Variants in PTPRR observed in about 807,000 individuals in gnomAD.
PTPRR encodes the protein protein tyrosine phosphatase receptor type R, also known as receptor-type tyrosine-protein phosphatase R.
Under a neutral mutation model 77.2 loss-of-function variants are expected in PTPRR, and 38 were observed. That is an observed-to-expected ratio of 0.49 (90% CI 0.38 to 0.65). The LOEUF (loss-of-function observed/expected upper bound fraction) is 0.65. Among genes scored for constraint, PTPRR ranks in the 30% least tolerant of loss-of-function variants. The probability of loss-of-function intolerance (pLI) is 0.00; values close to 1 mark genes in which losing one functional copy is unlikely to be tolerated. For missense variants in PTPRR, 744 were observed against 799.2 expected (o/e 0.93, Z 0.83); for synonymous variants, 299 against 283.1 (o/e 1.06, Z -0.57).
At chr12:70,732,643 C>A (rs1274904158) in intron 6 of PTPRR, among the ~76,000 whole-genome samples, 2 of 152,172 alleles carry the variant, frequency 1.3e-5, no homozygotes, top group African/African-American at 4.8e-5. Context: ...TCATTGCGAC[C>A]TCCGCATCCT....
At chr12:70,684,288 A>C in intron 9 of PTPRR, 24 bp from the exon 10 acceptor site, 1 of 1,596,306 alleles carries the variant, frequency 6.3e-7, no homozygotes, top group Non-Finnish European at 8.5e-7. Flanking sequence ...AGAAACAAAA[A>C]TATTGGTTTT....
intron 6 of PTPRR, among the ~76,000 whole-genome samples, chr12:70,707,778 G>GT (rs1243736117): frequency 6.6e-6 from 1 of 152,020 alleles, no homozygotes; most frequent in Non-Finnish European, 1.5e-5. Context: ...TTCCTCTTTG[G>GT]TTCAGACCTT....
At chr12:70,807,085 A>G (rs752049007) in intron 2 of PTPRR, among the ~76,000 whole-genome samples, 2 of 152,074 alleles carry the variant, frequency 1.3e-5, no homozygotes, top group African/African-American at 4.8e-5. Context: ...GTAGAAGGGA[A>G]CTCTTTGTCT....
At chr12:70,647,563 T>C (rs1315204421) in intron 13 of PTPRR, among the ~76,000 whole-genome samples, 12 of 152,264 alleles carry the variant, frequency 7.9e-5, no homozygotes. Flanking sequence ...AATGAATCTT[T>C]TTTAGCAAGA....
intron 10 of PTPRR, among the ~76,000 whole-genome samples, chr12:70,669,668 G>A (rs1021428128): frequency 6.6e-6 from 1 of 151,734 alleles, no homozygotes; most frequent in Non-Finnish European, 1.5e-5. Flanking sequence ...GGGCTCAAGC[G>A]ATCCTCTGGT....
chr12:70,764,675 T>C lies in PTPRR; in HGVS notation c.461A>G (p.Asn154Ser), dbSNP rs906472439. The C allele has an allele frequency of 6.2e-6, 10 of 1,611,946 alleles. No individual in the cohort carries two copies. Among genetic ancestry groups the C allele is most frequent in the Non-Finnish European group, 7.6e-6 (9 of 1,178,102 alleles). ...ATGTGGGTATCTTACAATGAGGCGA[T>C]TGATGTGCACTTGCTGGGGTAAGAG... ...LGLLPQQVHI[N>S]RLIGKKNSIE... The change falls in exon 3 of 14, where the codon AAT becomes AGT. Residue 154 changes from asparagine to serine, a missense_variant. By Grantham distance (46) the Asn-to-Ser change is conservative. Around this residue, in one of 3 missense-constraint regions of PTPRR, gnomAD observed 570 missense variants for 573.2 expected, o/e 0.99. Coordinates refer to ENST00000283228, the MANE Select transcript of PTPRR (RefSeq NM_002849.4).
At chr12:70,754,464 A>G (rs1890506606) in intron 4 of PTPRR, 163 bp from the exon 5 acceptor site, 2 of 1,563,032 alleles carry the variant, frequency 1.3e-6, no homozygotes, top group East Asian at 4.5e-5. Flanking sequence ...CTAAGACAAC[A>G]GACTGCCATC....
At chr12:70,704,226 G>C (rs1223007448) in intron 6 of PTPRR, among the ~76,000 whole-genome samples, 1 of 151,846 alleles carries the variant, frequency 6.6e-6, no homozygotes, top group African/African-American at 2.4e-5. Flanking sequence ...GTTTGAGACT[G>C]GCTTGGGCAA....
chr12:70,754,588 G>A (rs1047690032), intron 4 of PTPRR: 1 of 1,597,796 alleles, frequency 6.3e-7, no homozygotes, highest in African/African-American at 1.3e-5. Context: ...AAACTACCTG[G>A]TTCATAGGTA....
At chr12:70,903,679 G>T (rs1321427603) in intron 1 of PTPRR, among the ~76,000 whole-genome samples, 1 of 151,764 alleles carries the variant, frequency 6.6e-6, no homozygotes, top group Non-Finnish European at 1.5e-5. Flanking sequence ...GTTAGGCAAA[G>T]GTTCCTTGGA....
At chr12:70,779,477 A>G (rs1197796643) in intron 2 of PTPRR, among the ~76,000 whole-genome samples, 1 of 152,102 alleles carries the variant, frequency 6.6e-6, no homozygotes, top group Non-Finnish European at 1.5e-5. Context: ...TCTTAACATC[A>G]CTTCCTCAGA....
At chr12:70,880,870 A>G (rs997132934) in intron 2 of PTPRR, among the ~76,000 whole-genome samples, 1 of 152,108 alleles carries the variant, frequency 6.6e-6, no homozygotes, top group African/African-American at 2.4e-5. Flanking sequence ...TAACTTGGCT[A>G]TTTTTAATAA....
At chr12:70,760,647 A>G (rs1890670426) in intron 4 of PTPRR, among the ~76,000 whole-genome samples, 1 of 152,134 alleles carries the variant, frequency 6.6e-6, no homozygotes, top group African/African-American at 2.4e-5. Flanking sequence ...GAAAAAAAAG[A>G]CACCTAGATC....
intron 2 of PTPRR, among the ~76,000 whole-genome samples, chr12:70,884,845 C>A (rs1027627180): frequency 8.7e-6 from 1 of 114,338 alleles, no homozygotes; most frequent in African/African-American, 3.6e-5. Flanking sequence ...GCACTCCAGT[C>A]TGGGCAACAG....
chr12:70,789,352 A>C (rs888624965), intron 2 of PTPRR, among the ~76,000 whole-genome samples: 1 of 152,002 alleles, frequency 6.6e-6, no homozygotes, highest in Non-Finnish European at 1.5e-5. Context: ...TTTCCACCAA[A>C]ATTTTCTTAC....
intron 8 of PTPRR, among the ~76,000 whole-genome samples, chr12:70,692,019 T>C (rs915765121): frequency 6.6e-6 from 1 of 152,192 alleles, no homozygotes. Context: ...ACATATAGAA[T>C]TATACTATAT....
At chr12:70,838,011 C>T (rs753067964) in intron 2 of PTPRR, among the ~76,000 whole-genome samples, 3 of 152,106 alleles carry the variant, frequency 2.0e-5, no homozygotes, top group Non-Finnish European at 4.4e-5. Flanking sequence ...CACAATATTA[C>T]AGTGGAATAT....
intron 8 of PTPRR, among the ~76,000 whole-genome samples, chr12:70,696,898 A>G (rs1888251266): frequency 6.6e-6 from 1 of 152,128 alleles, no homozygotes; most frequent in Admixed American, 6.6e-5. Context: ...ACTTAGCATG[A>G]TGTTTTCAAG....
In PTPRR at chr12:70,660,965, G is replaced by C; in HGVS notation, c.1741C>G (p.Arg581Gly). 1.2e-6 allele frequency: 2 copies of C among 1,613,698 alleles called. No homozygotes were observed. The highest frequency in any genetic ancestry group is 1.7e-6 in the Non-Finnish European group (2 of 1,179,836). ...VEEDRLASQG[R>G]GPVVVHCSAG... is the part of the protein sequence containing the mutation. ...CTGCAGTGGACAACCACAGGCCCTC[G>C]GCCCTGGGAAGCAAGTCTGTCTTCT... Residue 581 changes from arginine (R) to glycine (G), a missense_variant, in exon 12 of 14, where the codon CGA becomes GGA. Physicochemically the swap from Arg to Gly is moderately radical, Grantham distance 125. Coordinates refer to ENST00000283228, the MANE Select transcript of PTPRR (RefSeq NM_002849.4).
Sources: allele counts gnomAD v4.1 joint callset (sites outside exome capture counted in the v4.1 genomes callset), GRCh38; gene constraint gnomAD v4.1.1; regional missense constraint gnomAD v4.1.1; transcripts MANE v1.5; gene names NCBI Gene and HGNC (gene_info 2026-07-23, HGNC 2026-07-21).